Variants in SUGP2 observed in about 807,000 individuals in gnomAD.
SUGP2 encodes the protein SURP and G-patch domain containing 2.
A neutral mutation model predicts 90.5 loss-of-function variants in SUGP2; 24 were observed. That is an observed-to-expected ratio of 0.27 (90% CI 0.19 to 0.37). The LOEUF is 0.37. SUGP2 is among the 10% of genes least tolerant of loss of function. The pLI is 1.00. For missense variants in SUGP2, 1,233 were observed against 1,363.3 expected, an observed-to-expected ratio of 0.90 and a Z score of 1.51; for synonymous variants, 473 against 513.4, an observed-to-expected ratio of 0.92 and a Z score of 1.06.
intron 8 of SUGP2, among the ~76,000 whole-genome samples, chr19:18,998,540 C>T (rs2057700499): frequency 6.6e-6 from 1 of 152,170 alleles, no homozygotes; most frequent in South Asian, 2.1e-4. Context: ...CCTTTGTTCT[C>T]TTCAGAGGCA....
chr19:19,020,446 G>A (rs939042354), intron 3 of SUGP2, among the ~76,000 whole-genome samples: 2 of 142,684 alleles, frequency 1.4e-5, no homozygotes, highest in Non-Finnish European at 3.1e-5. Flanking sequence ...AAAAAAAAAG[G>A]CAAATTTTTT....
chr19:19,009,144 C>T (rs1183191119), intron 5 of SUGP2, among the ~76,000 whole-genome samples: 5 of 152,066 alleles, frequency 3.3e-5, no homozygotes, highest in Non-Finnish European at 5.9e-5. Flanking sequence ...AACTCCTGAG[C>T]TCAGGCAATC....
chr19:19,027,220 G>A (rs1056232297), intron 2 of SUGP2, among the ~76,000 whole-genome samples: 6 of 152,192 alleles, frequency 3.9e-5, no homozygotes, highest in Non-Finnish European at 5.9e-5. Context: ...GGGCATATGA[G>A]AACAGTGGGC....
At position 19,001,601 on chromosome 19, in the gene SUGP2, G is replaced by A. The variant is rs766738749; in HGVS notation, c.2991+12C>T. On this transcript the variant is annotated intron_variant, in intron 8 of 10. Transcript: ENST00000452918. Reference sequence around the variant, plus strand: ...TATACTTTGAGTGAGGACTACCAATGATTACGCTCACCTTCTTTTTGGACA... The same window carrying A: ...TATACTTTGAGTGAGGACTACCAATAATTACGCTCACCTTCTTTTTGGACA... 3.7e-6 allele frequency: 6 copies of A among 1,613,968 alleles called. No individual in the cohort carries two copies. In the Admixed American group the frequency reaches 8.3e-5, roughly 22 times the overall value.
At chr19:18,994,768 A>G in intron 9 of SUGP2, 1 of 531,036 alleles carries the variant, frequency 1.9e-6, no homozygotes, top group Non-Finnish European at 3.4e-6. Flanking sequence ...GCTGGAGGTT[A>G]TGATCGGGGT....
chr19:19,000,012 G>C (rs1313258635), intron 8 of SUGP2, among the ~76,000 whole-genome samples: 4 of 152,188 alleles, frequency 2.6e-5, no homozygotes, highest in Non-Finnish European at 5.9e-5. Context: ...TGGTCCAACT[G>C]TCTTAAGTTT....
chr19:19,005,309 C>A (rs955845194), intron 6 of SUGP2, among the ~76,000 whole-genome samples: 1 of 152,140 alleles, frequency 6.6e-6, no homozygotes. Context: ...GGAAAAATGG[C>A]CCTCGTAAGG....
At chr19:19,011,185 T>C (rs1032982331) in intron 4 of SUGP2, among the ~76,000 whole-genome samples, 2 of 151,698 alleles carry the variant, frequency 1.3e-5, no homozygotes, top group Non-Finnish European at 2.9e-5. Flanking sequence ...ACTTTTTTCA[T>C]CATTTTCCTT....
At chr19:19,008,294 A>G in intron 6 of SUGP2, 23 bp downstream of exon 6, 1 of 1,570,000 alleles carries the variant, frequency 6.4e-7, no homozygotes, top group Non-Finnish European at 8.8e-7. Context: ...AAAAGGTGTG[A>G]TGAGACCCGG....
At chr19:19,023,245 C>T (rs955305840) in intron 3 of SUGP2, among the ~76,000 whole-genome samples, 4 of 152,186 alleles carry the variant, frequency 2.6e-5, no homozygotes, top group African/African-American at 4.8e-5. Context: ...AGCTCAAGCA[C>T]GACCTCTCCA....
chr19:18,997,442 G>A (rs1326240344), intron 8 of SUGP2, among the ~76,000 whole-genome samples: 1 of 152,110 alleles, frequency 6.6e-6, no homozygotes, highest in African/African-American at 2.4e-5. Context: ...AAAACAACCT[G>A]GAGAGGTGCT....
intron 3 of SUGP2, among the ~76,000 whole-genome samples, chr19:19,021,535 G>T (rs553778366): frequency 6.6e-6 from 1 of 152,206 alleles, no homozygotes; most frequent in East Asian, 1.9e-4. Context: ...GGATGACCAC[G>T]AACAAGGGTC....
chr19:19,003,106 C>T (rs10426131), intron 7 of SUGP2, among the ~76,000 whole-genome samples: 3,496 of 152,212 alleles, frequency 0.023, 131 homozygotes, highest in African/African-American at 0.08. Flanking sequence ...TGCGCCTGGC[C>T]CCATGAGAAG....
chr19:19,021,727 T>A (rs999355981), intron 3 of SUGP2, among the ~76,000 whole-genome samples: 1 of 150,970 alleles, frequency 6.6e-6, no homozygotes, highest in African/African-American at 2.4e-5. Context: ...AGTGGAGTGG[T>A]GCGCTCTAGG....
At chr19:19,023,801 G>A (rs2058820123) in intron 3 of SUGP2, among the ~76,000 whole-genome samples, 1 of 152,086 alleles carries the variant, frequency 6.6e-6, no homozygotes, top group Admixed American at 6.5e-5. Context: ...GGCTGAGGCG[G>A]AAGGATCACT....
intron 3 of SUGP2, among the ~76,000 whole-genome samples, chr19:19,019,439 G>A (rs1468503784): frequency 6.6e-6 from 1 of 152,164 alleles, no homozygotes; most frequent in Non-Finnish European, 1.5e-5. Context: ...ACCACTAGGA[G>A]AGAAACAGTC....
At chr19:19,009,533 C>T (rs1456040734) in intron 5 of SUGP2, among the ~76,000 whole-genome samples, 1 of 152,082 alleles carries the variant, frequency 6.6e-6, no homozygotes, top group African/African-American at 2.4e-5. Flanking sequence ...CAGGATATAG[C>T]AGGACATGGG....
chr19:19,003,638 A>T (rs1225205552), intron 7 of SUGP2: 1 of 152,908 alleles, frequency 6.5e-6, no homozygotes, highest in Non-Finnish European at 1.5e-5. Flanking sequence ...CAAATGGTCC[A>T]CTTGAAAAGG....
At chr19:18,999,304 C>T (rs570407891) in intron 8 of SUGP2, among the ~76,000 whole-genome samples, 1 of 152,020 alleles carries the variant, frequency 6.6e-6, no homozygotes, top group South Asian at 2.1e-4. Flanking sequence ...GGTGCAGAGC[C>T]CCAAGGAGAC....
Sources: gnomAD v4.1 joint callset for allele counts (sites outside exome capture counted in the v4.1 genomes callset) on GRCh38, gnomAD v4.1.1 for gene constraint, MANE v1.5 for transcripts, NCBI Gene and HGNC (gene_info 2026-07-23, HGNC 2026-07-21) for gene names.